The following RASGRF2 variants were observed in gnomAD, a reference collection of about 807,000 sequenced individuals.
RASGRF2 encodes the protein Ras protein specific guanine nucleotide releasing factor 2, also known as ras-specific guanine nucleotide-releasing factor 2.
A neutral mutation model predicts 151.0 loss-of-function variants in RASGRF2; 76 were observed. The observed-to-expected ratio is 0.50, with a 90% CI of 0.42 to 0.61. The LOEUF is 0.61. Ranked by LOEUF, RASGRF2 falls within the 20% of genes least tolerant of loss-of-function variation. RASGRF2 has a pLI of 0.00. For missense variants in RASGRF2, 1,148 were observed against 1,564.6 expected (o/e 0.73, Z 4.49); for synonymous variants, 504 against 566.5 (o/e 0.89, Z 1.57).
chr5:81,082,861 G>A (rs1034692288), intron 7 of RASGRF2, among the ~76,000 whole-genome samples: 14 of 152,314 alleles, frequency 9.2e-5, no homozygotes, highest in Middle Eastern at 3.4e-3. Context: ...AACTGAAAGA[G>A]CACAGAATTG....
In RASGRF2 at chr5:81,024,705, G is replaced by C. The variant is rs573880500; in HGVS notation, c.289-18172G>C. ...GGTTTTTGGTTTTCTTTTTCAGAGC[G>C]GCTCTGTGGGGCTGGTTCTTTTCAT... is the stretch of plus-strand genomic sequence containing the variant. On this transcript the variant is annotated intron_variant, in intron 1 of 26. Coordinates refer to ENST00000265080, the MANE Select transcript of RASGRF2 (RefSeq NM_006909.3). Among the ~76,000 whole-genome samples the C allele has an allele frequency of 3.9e-5, 6 of 152,274 alleles. No individual in the cohort carries two copies. The East Asian group carries it at 1.2e-3, about 29-fold the overall frequency.
chr5:81,161,525 A>G (rs1239643094), intron 17 of RASGRF2, among the ~76,000 whole-genome samples: 1 of 152,196 alleles, frequency 6.6e-6, no homozygotes, highest in African/African-American at 2.4e-5. Flanking sequence ...TCACTGTATG[A>G]TTGAGATGCG....
intron 1 of RASGRF2, among the ~76,000 whole-genome samples, chr5:80,991,127 A>T (rs1748634863): frequency 6.6e-6 from 1 of 152,204 alleles, no homozygotes; most frequent in South Asian, 2.1e-4. Flanking sequence ...AAGATCTGCA[A>T]ATCCCCTGGA....
At chr5:81,014,551 A>G (rs1241767535) in intron 1 of RASGRF2, among the ~76,000 whole-genome samples, 2 of 152,214 alleles carry the variant, frequency 1.3e-5, no homozygotes, top group Non-Finnish European at 2.9e-5. Context: ...AACACGTGGG[A>G]ATTCAAGATG....
At chr5:81,020,535 A>C (rs1310167126) in intron 1 of RASGRF2, among the ~76,000 whole-genome samples, 1 of 152,160 alleles carries the variant, frequency 6.6e-6, no homozygotes, top group Non-Finnish European at 1.5e-5. Context: ...GTGCCTGGCA[A>C]AGTGCTAGGA....
chr5:81,112,457 A>G (rs1031031872), intron 13 of RASGRF2, among the ~76,000 whole-genome samples, 153 bp from the exon 14 acceptor site: 7 of 152,140 alleles, frequency 4.6e-5, no homozygotes, highest in African/African-American at 1.7e-4. Flanking sequence ...ATCCCCCAAG[A>G]ATACTGAGGG....
chr5:81,209,070 T>G (rs910981884), intron 22 of RASGRF2, among the ~76,000 whole-genome samples: 1 of 152,344 alleles, frequency 6.6e-6, no homozygotes, highest in Middle Eastern at 3.4e-3. Flanking sequence ...GCAGTACATG[T>G]GTCACTGGCC....
rs947362839 is a variant in RASGRF2, at chr5:81,228,262, A to G, written c.*2492A>G. The G allele has an allele frequency of 1.3e-5, 2 of 152,252 alleles. No homozygotes were observed. The highest frequency in any genetic ancestry group is 4.8e-5 in the African/African-American group (2 of 41,454). The allele number at this position is 152,252 out of a possible 1,614,324, so 9.4% of individuals were successfully genotyped here. ...AATTACACCACTTTCTGGAGTCTGC[A>G]GCCTTCCTGGAGCTGCAAGAGGGCA... On this transcript the variant is annotated 3_prime_UTR_variant, in exon 27 of 27. Coordinates refer to ENST00000265080, the MANE Select transcript of RASGRF2 (RefSeq NM_006909.3).
chr5:80,960,970 G>T lies in RASGRF2; in HGVS notation c.232G>T (p.Ala78Ser), dbSNP rs546766609. 4.5e-6 allele frequency: 7 copies of T among 1,561,950 alleles called. No homozygotes were observed. The Admixed American group carries it at 1.2e-4, about 27-fold the overall frequency. Residue 78 changes from alanine to serine, a missense_variant, in exon 1 of 27, where the codon GCG becomes TCG. Physicochemically the swap from Ala to Ser is moderately conservative, Grantham distance 99. This residue lies in a region of RASGRF2 where 221 missense variants were observed against 271.3 expected (regional missense o/e 0.81). Transcript: ENST00000265080. This position sits in a 1 kb window ranked among gnomAD's most constrained non-coding sequence, Gnocchi z 5.5. Reference sequence around the variant, plus strand: ...GGGCTGCAGCTGCGAACGAACGCCCGCGCCACCCAGGGCCGGCGCCGGGCA... The same window carrying T: ...GGGCTGCAGCTGCGAACGAACGCCCTCGCCACCCAGGGCCGGCGCCGGGCA... ...LEGCSCERTP[A>S]PPRAGAGQGG... is the part of the protein sequence containing the mutation.
intron 9 of RASGRF2, among the ~76,000 whole-genome samples, chr5:81,090,863 A>G (rs1234527493): frequency 6.6e-6 from 1 of 152,148 alleles, no homozygotes; most frequent in Non-Finnish European, 1.5e-5. Context: ...ACTAACGAAC[A>G]CATTATTATT....
intron 1 of RASGRF2, among the ~76,000 whole-genome samples, chr5:81,040,704 C>G (rs1254565805): frequency 6.6e-6 from 1 of 152,206 alleles, no homozygotes; most frequent in East Asian, 1.9e-4. Flanking sequence ...CTTTGCCTCT[C>G]ATTTTTGTTT....
intron 1 of RASGRF2, among the ~76,000 whole-genome samples, chr5:80,965,613 G>A (rs1255934482): frequency 1.3e-5 from 2 of 152,122 alleles, no homozygotes; most frequent in African/African-American, 4.8e-5. Flanking sequence ...TTTTCTGTGG[G>A]TTTCATTAAG....
At chr5:81,035,628 A>AG (rs1443785903) in intron 1 of RASGRF2, among the ~76,000 whole-genome samples, 1 of 152,158 alleles carries the variant, frequency 6.6e-6, no homozygotes, top group Non-Finnish European at 1.5e-5. Flanking sequence ...AAAATTAAAA[A>AG]AAAAACAACT....
intron 1 of RASGRF2, among the ~76,000 whole-genome samples, chr5:80,986,794 A>G (rs942514686): frequency 1.3e-5 from 2 of 152,118 alleles, no homozygotes; most frequent in Non-Finnish European, 2.9e-5. Context: ...CTCCTTTCCA[A>G]TTCATTCTCC....
chr5:81,197,487 A>AG (rs1554041624), intron 18 of RASGRF2, among the ~76,000 whole-genome samples: 34 of 148,458 alleles, frequency 2.3e-4, no homozygotes, highest in Non-Finnish European at 4.4e-4. Context: ...AAAAAAAAAA[A>AG]GTAAAATATT....
chr5:81,025,167 C>G (rs1016505964), intron 1 of RASGRF2, among the ~76,000 whole-genome samples: 3 of 152,254 alleles, frequency 2.0e-5, no homozygotes, highest in Non-Finnish European at 4.4e-5. Context: ...TCTTGCCCTG[C>G]AAGCTGCCCT....
At position 81,068,116 on chromosome 5, in the gene RASGRF2, A is replaced by G. The variant is rs375192026; in HGVS notation, c.480A>G (p.Ala160=). ...AGATCGTAGAGACAGAAAAAATTGCAGCTAACCAACTCCGACATCAACTTG... is the reference window on the plus strand; with the variant it reads ...AGATCGTAGAGACAGAAAAAATTGCGGCTAACCAACTCCGACATCAACTTG... ...LVQIVETEKI[A]ANQLRHQLED... Residue 160 remains alanine, a synonymous_variant, in exon 3 of 27, where the codon GCA becomes GCG. Coordinates refer to ENST00000265080, the MANE Select transcript of RASGRF2 (RefSeq NM_006909.3). 1.8e-5 allele frequency: 29 copies of G among 1,613,942 alleles called. No individual in the cohort carries two copies. In the Admixed American group the frequency reaches 4.3e-4, roughly 24 times the overall value.
chr5:80,987,657 G>C (rs1748515161), intron 1 of RASGRF2, among the ~76,000 whole-genome samples: 1 of 152,150 alleles, frequency 6.6e-6, no homozygotes, highest in East Asian at 1.9e-4. Flanking sequence ...CTGGAACACT[G>C]GGGAAAGAGG....
chr5:80,969,719 G>A (rs903445963), intron 1 of RASGRF2, among the ~76,000 whole-genome samples: 5 of 151,596 alleles, frequency 3.3e-5, no homozygotes, highest in African/African-American at 1.2e-4. Flanking sequence ...CCAAAGTGCT[G>A]GGATTACAGG....
Sources: allele counts gnomAD v4.1 joint callset (sites outside exome capture counted in the v4.1 genomes callset), GRCh38; gene constraint gnomAD v4.1.1; regional missense constraint gnomAD v4.1.1; non-coding constraint Gnocchi (gnomAD v3.1); transcripts MANE v1.5; gene names NCBI Gene and HGNC (gene_info 2026-07-23, HGNC 2026-07-21).